The following SH3GL1 variants were observed in gnomAD, a reference collection of about 807,000 sequenced individuals.
SH3GL1 encodes the protein SH3 domain containing GRB2 like 1, endophilin A2, also known as endophilin-A2.
SH3GL1 carries 21 observed loss-of-function variants against 48.8 expected under a neutral mutation model. The observed-to-expected ratio is 0.43, with a 90% CI of 0.30 to 0.62. SH3GL1 has a LOEUF of 0.62. Ranked by LOEUF, SH3GL1 falls within the 20% of genes least tolerant of loss-of-function variation. The pLI is 0.11. For missense variants in SH3GL1, 454 were observed against 503.0 expected (o/e 0.90, Z 0.93); for synonymous variants, 282 against 217.5 (o/e 1.30, Z -2.61).
intron 1 of SH3GL1, among the ~76,000 whole-genome samples, chr19:4,370,219 C>T (rs1315556715): frequency 2.0e-5 from 3 of 152,332 alleles, no homozygotes; most frequent in Middle Eastern, 6.8e-3. Flanking sequence ...GCATCAGAGA[C>T]CCTACCGGTG....
At chr19:4,362,979 T>C (rs1599588876) in intron 7 of SH3GL1, among the ~76,000 whole-genome samples, 2 of 152,084 alleles carry the variant, frequency 1.3e-5, no homozygotes, top group East Asian at 1.9e-4. Context: ...TGCCACAGCA[T>C]CTACCTACAA....
Position 4,363,507 on chromosome 19 carries a change from A to C in SH3GL1, c.625-34T>G, listed in dbSNP as rs770083069. ...ACAGTAGGGCTCAGGGGCTCCTGCC[A>C]GTGCCACTGTCCTGTGCCTTCCCTG... On this transcript the variant is annotated intron_variant, in intron 6 of 9. Coordinates refer to ENST00000269886, the MANE Select transcript of SH3GL1 (RefSeq NM_003025.4). The C allele has an allele frequency of 2.5e-6, 4 of 1,578,812 alleles. No homozygotes were observed. The East Asian group carries it at 9.0e-5, about 36-fold the overall frequency.
rs555932362 is a variant in SH3GL1, at chr19:4,365,524, T to G, written c.289A>C (p.Met97Leu). ...CCCAGCTCCTTCCCGTGGCGGATCA[T>G]GCACTCGCCCAGAAGCCCCTCCGAC... is the stretch of plus-strand genomic sequence containing the variant. ...PQSEGLLGEC[M>L]IRHGKELGGE... Residue 97 changes from methionine to leucine, a missense_variant, in exon 4 of 10, where the codon ATG (methionine) becomes CTG (leucine). By Grantham distance (15) the Met-to-Leu change is conservative. Around this residue, in one of 2 missense-constraint regions of SH3GL1, gnomAD observed 176 missense variants for 256.2 expected, o/e 0.69. Transcript: ENST00000269886. 6.2e-6 allele frequency: 10 copies of G among 1,613,986 alleles called. No individual in the cohort carries two copies. In the East Asian group the frequency reaches 2.0e-4, roughly 32 times the overall value.
intron 1 of SH3GL1, among the ~76,000 whole-genome samples, chr19:4,375,598 G>A (rs1441193044): frequency 6.6e-6 from 1 of 152,180 alleles, no homozygotes; most frequent in African/African-American, 2.4e-5. Context: ...GCCAGTGAGT[G>A]CCTGGGGCTC....
chr19:4,387,396 T>G (rs1286153823), intron 1 of SH3GL1, among the ~76,000 whole-genome samples: 1 of 152,220 alleles, frequency 6.6e-6, no homozygotes, highest in African/African-American at 2.4e-5. Context: ...ACTCCTGGAC[T>G]TAAGTGATCC....
intron 9 of SH3GL1, among the ~76,000 whole-genome samples, 180 bp downstream of exon 9, chr19:4,362,148 TG>T (rs1192265237): frequency 1.3e-5 from 2 of 152,122 alleles, no homozygotes. Context: ...TCATTCACAC[TG>T]TGAGGCTGAG....
At chr19:4,386,064 G>A (rs1973229298) in intron 1 of SH3GL1, among the ~76,000 whole-genome samples, 1 of 152,254 alleles carries the variant, frequency 6.6e-6, no homozygotes, top group African/African-American at 2.4e-5. Context: ...TCTTATGCCA[G>A]GGTGGGTGAA....
In SH3GL1 at chr19:4,380,672, T is replaced by A. The variant is rs370006253; in HGVS notation, c.46-13678A>T. On this transcript the variant is annotated intron_variant, in intron 1 of 9. Coordinates refer to ENST00000269886, the MANE Select transcript of SH3GL1 (RefSeq NM_003025.4). ...GGACAGTCGGCGGTTTTGAACATGA[T>A]CTGCTCTGGTGTTTCTGGGGTGTGT... 2.2e-4 allele frequency among the ~76,000 whole-genome samples: 34 copies of A among 152,294 alleles called. No homozygotes were observed. In the South Asian group the frequency reaches 5.4e-3, roughly 24 times the overall value.
chr19:4,365,281 T>C (rs1972749077), intron 4 of SH3GL1, among the ~76,000 whole-genome samples: 2 of 152,134 alleles, frequency 1.3e-5, no homozygotes, highest in African/African-American at 2.4e-5. Flanking sequence ...GGTCTGGAGC[T>C]ACAGGAAGGG....
At chr19:4,366,014 G>T (rs1237916492) in intron 3 of SH3GL1, among the ~76,000 whole-genome samples, 8 of 152,176 alleles carry the variant, frequency 5.3e-5, no homozygotes, top group Non-Finnish European at 1.0e-4. Flanking sequence ...GCTTGGGTCT[G>T]CTCCTGGCAG....
In SH3GL1 at chr19:4,376,236, T is replaced by C. The variant is rs1014482016; in HGVS notation, c.46-9242A>G. 1.3e-5 allele frequency among the ~76,000 whole-genome samples: 2 copies of C among 152,078 alleles called. No individual in the cohort carries two copies. Among genetic ancestry groups the C allele is most frequent in the African/African-American group, 4.8e-5 (2 of 41,422 alleles). ...CATTTCTGAAGGACTTCCATTTCTT[T>C]GTGACTGTGGGCCACCATGGGCATG... On this transcript the variant is annotated intron_variant, in intron 1 of 9. Coordinates refer to ENST00000269886, the MANE Select transcript of SH3GL1 (RefSeq NM_003025.4). This position sits in a 1 kb window ranked among gnomAD's most constrained non-coding sequence, Gnocchi z 4.3.
chr19:4,367,571 C>G lies in SH3GL1; in HGVS notation c.46-577G>C, dbSNP rs898583075. 1.3e-5 allele frequency among the ~76,000 whole-genome samples: 2 copies of G among 152,178 alleles called. No individual in the cohort carries two copies. The highest frequency in any genetic ancestry group is 4.8e-5 in the African/African-American group (2 of 41,440). On this transcript the variant is annotated intron_variant, in intron 1 of 9. Coordinates refer to ENST00000269886, the MANE Select transcript of SH3GL1 (RefSeq NM_003025.4). This position sits in a 1 kb window ranked among gnomAD's most constrained non-coding sequence, Gnocchi z 4.2. ...GGATGGGACAGCCCAGCCCTTGCCC[C>G]ATGTGGACACTGAGTTTCACAAGGC...
chr19:4,388,583 C>G (rs1291016605), intron 1 of SH3GL1, among the ~76,000 whole-genome samples: 1 of 152,240 alleles, frequency 6.6e-6, no homozygotes, highest in Non-Finnish European at 1.5e-5. Flanking sequence ...TGGCCAGGCC[C>G]AGCCATGGCA....
intron 1 of SH3GL1, among the ~76,000 whole-genome samples, chr19:4,399,322 A>AC (rs1310177037): frequency 1.4e-5 from 2 of 147,390 alleles, no homozygotes; most frequent in Non-Finnish European, 3.0e-5. Flanking sequence ...TCCCTCTCAA[A>AC]AAAAAAAAAA....
At chr19:4,371,940 C>G (rs1449206439) in intron 1 of SH3GL1, among the ~76,000 whole-genome samples, 3 of 152,236 alleles carry the variant, frequency 2.0e-5, no homozygotes. Context: ...GTGGGCACGG[C>G]TGGTCAACCG....
intron 1 of SH3GL1, among the ~76,000 whole-genome samples, chr19:4,384,585 T>C (rs1489844677): frequency 6.6e-6 from 1 of 152,116 alleles, no homozygotes; most frequent in Non-Finnish European, 1.5e-5. Context: ...CAGATGATCA[T>C]ATTAAGCAAG....
chr19:4,374,885 A>C (rs568009203), intron 1 of SH3GL1, among the ~76,000 whole-genome samples: 6 of 152,212 alleles, frequency 3.9e-5, no homozygotes, highest in Non-Finnish European at 5.9e-5. Flanking sequence ...TAGGCTGGCC[A>C]GTGCTGCCCA....
chr19:4,397,928 C>T (rs1310762606), intron 1 of SH3GL1, among the ~76,000 whole-genome samples: 2 of 152,146 alleles, frequency 1.3e-5, no homozygotes, highest in Admixed American at 1.3e-4. Context: ...TTCACTGCAG[C>T]CTTGAACTGC....
rs574664635 is a variant in SH3GL1, at chr19:4,361,200, C to T, written c.*400G>A. 7.7e-5 allele frequency: 23 copies of T among 299,198 alleles called. No homozygotes were observed. Among genetic ancestry groups the T allele is most frequent in the South Asian group, 3.2e-4 (5 of 15,388 alleles). 18.5% of individuals were successfully genotyped at this position (299,198 alleles called of 1,614,324 possible). ...CCCATCCTGTTAAGGCTGCGGGACT[C>T]GAGGGTAGGCAGTGGGCCGGGCCCC... On this transcript the variant is annotated 3_prime_UTR_variant, in exon 10 of 10. Coordinates refer to ENST00000269886, the MANE Select transcript of SH3GL1 (RefSeq NM_003025.4).
Sources: gnomAD v4.1 joint callset for allele counts (sites outside exome capture counted in the v4.1 genomes callset) on GRCh38, gnomAD v4.1.1 for gene constraint, gnomAD v4.1.1 regional missense constraint, Gnocchi (gnomAD v3.1) non-coding constraint, MANE v1.5 for transcripts, NCBI Gene and HGNC (gene_info 2026-07-23, HGNC 2026-07-21) for gene names.